RALYL: variants seen among roughly 807,000 people sequenced by gnomAD.
RALYL encodes RNA-binding Raly-like protein.
Under a neutral mutation model 35.1 loss-of-function variants are expected in RALYL, and 29 were observed. The observed-to-expected ratio is 0.83, with a 90% CI of 0.61 to 1.13. The LOEUF is 1.13. Ranked by LOEUF, RALYL falls within the 50% of genes most tolerant of loss-of-function variation. The probability of loss-of-function intolerance (pLI) is 0.00; values close to 1 mark genes in which losing one functional copy is unlikely to be tolerated. For synonymous variants in RALYL, 120 were observed against 127.6 expected (o/e 0.94, Z 0.40); for missense variants, 359 against 360.4 (o/e 1.00, Z 0.03).
intron 1 of RALYL, among the ~76,000 whole-genome samples, chr8:84,219,008 A>G (rs16912550): frequency 0.084 from 12,746 of 152,104 alleles, 702 homozygotes; most frequent in African/African-American, 0.16. Flanking sequence ...CCTAAAAGCT[A>G]TAAAATTTAG....
chr8:84,215,034 T>C (rs952256631), intron 1 of RALYL, among the ~76,000 whole-genome samples: 1 of 151,776 alleles, frequency 6.6e-6, no homozygotes, highest in Non-Finnish European at 1.5e-5. Context: ...GCCTCCCGAG[T>C]ACCTGGGACT....
chr8:84,444,144 C>T (rs1587322902), intron 1 of RALYL, among the ~76,000 whole-genome samples: 2 of 152,080 alleles, frequency 1.3e-5, no homozygotes, highest in Admixed American at 6.6e-5. Context: ...GCCTGGGCAA[C>T]ATAGTGAGAC....
chr8:84,762,445 C>A (rs934710529), intron 2 of RALYL, among the ~76,000 whole-genome samples: 4 of 152,146 alleles, frequency 2.6e-5, no homozygotes, highest in Non-Finnish European at 5.9e-5. Flanking sequence ...TCTTAAGAAT[C>A]ACATTTAATT....
intron 1 of RALYL, among the ~76,000 whole-genome samples, chr8:84,191,945 G>T: frequency 6.6e-6 from 1 of 151,288 alleles, no homozygotes; most frequent in Non-Finnish European, 1.5e-5. Context: ...AGTCAAAGAT[G>T]ATCAACAAGT....
At chr8:84,724,257 T>C (rs1026617113) in intron 2 of RALYL, among the ~76,000 whole-genome samples, 1 of 151,760 alleles carries the variant, frequency 6.6e-6, no homozygotes. Context: ...CTCTTAATGG[T>C]TGGAAATTTA....
rs995739840 is a variant in RALYL, at chr8:84,807,275, C to T, written c.365+2473C>T. On this transcript the variant is annotated intron_variant, in intron 4 of 8. Transcript: ENST00000521268. Reference sequence around the variant, plus strand: ...TGAACACATACGATGTTTGGTTTTCCATTCCTGAGTTACTTCACTTAGAAT... The same window carrying T: ...TGAACACATACGATGTTTGGTTTTCTATTCCTGAGTTACTTCACTTAGAAT... Among the ~76,000 whole-genome samples, 3 of 152,188 alleles carry T rather than the reference C, an allele frequency of 2.0e-5. No individual in the cohort carries two copies. In the East Asian group the frequency reaches 5.8e-4, roughly 29 times the overall value.
At chr8:84,783,221 C>T (rs1259715790) in intron 3 of RALYL, among the ~76,000 whole-genome samples, 2 of 152,148 alleles carry the variant, frequency 1.3e-5, no homozygotes, top group South Asian at 2.1e-4. Flanking sequence ...TCCAGTGTTA[C>T]TCTCTCATCA....
chr8:84,799,811 CCAGGCGTGGTGG>C (rs1822800916), intron 3 of RALYL, among the ~76,000 whole-genome samples: 1 of 152,212 alleles, frequency 6.6e-6, no homozygotes, highest in South Asian at 2.1e-4. Context: ...AAAAAATTAA[CCAGGCGTGGTGG>C]CAGGCACCTG....
At chr8:84,671,345 C>G (rs1407796015) in intron 2 of RALYL, among the ~76,000 whole-genome samples, 1 of 152,132 alleles carries the variant, frequency 6.6e-6, no homozygotes, top group East Asian at 1.9e-4. Context: ...GTGGATCTAC[C>G]ATTCTGGGGT....
At chr8:84,793,904 A>G (rs1821349813) in intron 3 of RALYL, among the ~76,000 whole-genome samples, 1 of 152,236 alleles carries the variant, frequency 6.6e-6, no homozygotes, top group Middle Eastern at 3.2e-3. Flanking sequence ...GAGGGAAGAA[A>G]CACAGCTAAG....
At chr8:84,404,947 T>G (rs1247143609) in intron 1 of RALYL, among the ~76,000 whole-genome samples, 1 of 152,146 alleles carries the variant, frequency 6.6e-6, no homozygotes, top group East Asian at 1.9e-4. Flanking sequence ...ATTCTATAAT[T>G]GACCACATAA....
intron 4 of RALYL, among the ~76,000 whole-genome samples, chr8:84,838,806 A>G (rs571826501): frequency 2.6e-5 from 4 of 152,344 alleles, no homozygotes; most frequent in Non-Finnish European, 5.9e-5. Flanking sequence ...TAAATTATCG[A>G]AGTATTTACT....
At chr8:84,865,200 CAA>C (rs1838946758) in intron 6 of RALYL, among the ~76,000 whole-genome samples, 1 of 151,942 alleles carries the variant, frequency 6.6e-6, no homozygotes, top group Non-Finnish European at 1.5e-5. Flanking sequence ...CTGGAAATAA[CAA>C]AAGTTTCTAA....
chr8:84,916,478 G>C (rs1470933079), intron 8 of RALYL, among the ~76,000 whole-genome samples: 2 of 151,932 alleles, frequency 1.3e-5, no homozygotes, highest in African/African-American at 4.8e-5. Flanking sequence ...TTCCCGTGCT[G>C]TTCTTGTGAT....
chr8:84,566,622 AT>A (rs1303539756), intron 2 of RALYL, among the ~76,000 whole-genome samples: 5 of 151,492 alleles, frequency 3.3e-5, no homozygotes, highest in East Asian at 3.9e-4. Context: ...CATAACCGTG[AT>A]TTTTTTTAGA....
intron 2 of RALYL, among the ~76,000 whole-genome samples, chr8:84,551,430 T>C (rs2060711151): frequency 6.6e-6 from 1 of 152,108 alleles, no homozygotes; most frequent in Admixed American, 6.5e-5. Flanking sequence ...AATTATTCCA[T>C]ATAGATGTGC....
chr8:84,398,866 C>T (rs764039224), intron 1 of RALYL, among the ~76,000 whole-genome samples: 6 of 150,922 alleles, frequency 4.0e-5, no homozygotes, highest in African/African-American at 7.3e-5. Flanking sequence ...CCCAGCTACT[C>T]GGGAGGCTGA....
intron 1 of RALYL, among the ~76,000 whole-genome samples, chr8:84,189,678 T>G (rs998950107): frequency 1.3e-5 from 2 of 152,094 alleles, no homozygotes; most frequent in African/African-American, 4.8e-5. Context: ...ACTCATGTTT[T>G]TTTTTTTTTT....
At chr8:84,680,911 A>G (rs546350108) in intron 2 of RALYL, among the ~76,000 whole-genome samples, 5 of 152,086 alleles carry the variant, frequency 3.3e-5, no homozygotes, top group African/African-American at 9.7e-5. Context: ...TGTTTTAGAC[A>G]TGAAGTCCTT....
Sources: allele counts gnomAD v4.1 joint callset (sites outside exome capture counted in the v4.1 genomes callset), GRCh38; gene constraint gnomAD v4.1.1; transcripts MANE v1.5; gene names NCBI Gene and HGNC (gene_info 2026-07-23, HGNC 2026-07-21).